The following POLQ variants were observed in gnomAD, a reference collection of about 807,000 sequenced individuals.
POLQ encodes the protein DNA polymerase theta, also known as epididymis secretory sperm binding protein.
POLQ carries 233 observed loss-of-function variants against 259.2 expected under a neutral mutation model. The ratio of observed to expected loss-of-function variants is 0.90; its 90% confidence interval spans 0.81 to 1.00. POLQ has a LOEUF of 1.00. POLQ is among the 50% of genes least tolerant of loss of function. The pLI is 0.00. For synonymous variants in POLQ, 1,025 were observed against 1,048.8 expected, an observed-to-expected ratio of 0.98 and a Z score of 0.44; for missense variants, 2,871 against 3,051.6, an observed-to-expected ratio of 0.94 and a Z score of 1.39.
At position 121,481,676 on chromosome 3, in the gene POLQ, G is replaced by A. The variant is rs1319499530; in HGVS notation, c.6107C>T (p.Ala2036Val). ...GTATCGCCCAGAATGCTCACTGCCA[G>A]CATTTAGCCCCAGGCTTTGAATCCC... Reference protein sequence around the residue: ...SQGIQSLGLNAGSEHSGRYRA... With the variant: ...SQGIQSLGLNVGSEHSGRYRA... The change falls in exon 19 of 30, where the codon GCT becomes GTT. Residue 2036 changes from alanine to valine, a missense_variant. By Grantham distance (64) the Ala-to-Val change is moderately conservative. This residue lies in a region of POLQ where 2,080 missense variants were observed against 2,126.0 expected (regional missense o/e 0.98). Transcript: ENST00000264233. The A allele has an allele frequency of 6.2e-7, 1 of 1,614,134 alleles. No individual in the cohort carries two copies. The highest frequency in any genetic ancestry group is 2.2e-5 in the East Asian group (1 of 44,876).
intron 26 of POLQ, among the ~76,000 whole-genome samples, chr3:121,447,171 CTTT>C (rs71133535): frequency 7.8e-6 from 1 of 127,464 alleles, no homozygotes; most frequent in African/African-American, 2.9e-5. Context: ...TCTTATAACC[CTTT>C]TTTTTTTTTT....
chr3:121,541,939 A>G (rs2048492891), intron 2 of POLQ, among the ~76,000 whole-genome samples: 1 of 152,064 alleles, frequency 6.6e-6, no homozygotes, highest in African/African-American at 2.4e-5. Context: ...ATCCTGGACA[A>G]CATGGTAAAA....
At chr3:121,457,740 T>C (rs2047754691) in intron 25 of POLQ, among the ~76,000 whole-genome samples, 2 of 152,134 alleles carry the variant, frequency 1.3e-5, no homozygotes, top group African/African-American at 2.4e-5. Flanking sequence ...AAACAACAGG[T>C]GCTGGAGAGG....
chr3:121,434,331 T>C (rs1435615630), intron 28 of POLQ, among the ~76,000 whole-genome samples: 1 of 152,250 alleles, frequency 6.6e-6, no homozygotes, highest in African/African-American at 2.4e-5. Flanking sequence ...AAGTCATTAC[T>C]GTCTGTATCC....
intron 26 of POLQ, among the ~76,000 whole-genome samples, chr3:121,441,421 T>A (rs2047591529): frequency 6.6e-6 from 1 of 152,200 alleles, no homozygotes; most frequent in African/African-American, 2.4e-5. Flanking sequence ...AGACACTCAC[T>A]CATCTGCTTT....
intron 25 of POLQ, among the ~76,000 whole-genome samples, chr3:121,459,380 TTTTTTTTTTTTTG>T (rs2047771165): frequency 6.9e-6 from 1 of 145,488 alleles, no homozygotes; most frequent in African/African-American, 2.5e-5. Flanking sequence ...TTTTTTTTTT[TTTTTTTTTTTTTG>T]TTTTTCGAGA....
At chr3:121,519,188 C>T (rs998869549) in intron 9 of POLQ, among the ~76,000 whole-genome samples, 2 of 151,966 alleles carry the variant, frequency 1.3e-5, no homozygotes, top group Non-Finnish European at 2.9e-5. Context: ...GTTGAATTAA[C>T]ATCTGTGAAA....
Position 121,478,336 on chromosome 3 carries a change from T to C in POLQ, c.6212-1603A>G, listed in dbSNP as rs148936285. On this transcript the variant is annotated intron_variant, in intron 19 of 29. Transcript: ENST00000264233. ...ATCCTGTATGAACTCACAAAAAATA[T>C]GAAAAATACAAGACAGCAAAGAAAT... 2.8e-4 allele frequency among the ~76,000 whole-genome samples: 43 copies of C among 151,770 alleles called. No individual in the cohort carries two copies. The East Asian group carries it at 7.2e-3, about 25-fold the overall frequency.
intron 21 of POLQ, 31 bp downstream of exon 21, chr3:121,473,319 T>TG (rs1560092884): frequency 1.3e-6 from 2 of 1,579,172 alleles, no homozygotes; most frequent in East Asian, 4.5e-5. Flanking sequence ...GTTTAGGTTC[T>TG]GCCCTGCTCT....
At position 121,490,154 on chromosome 3, in the gene POLQ, T is replaced by G; in HGVS notation, c.2777A>C (p.Gln926Pro). 1.2e-6 allele frequency: 2 copies of G among 1,610,846 alleles called. No homozygotes were observed. Reference sequence around the variant, plus strand: ...TAATTTTTTATAAGAACTCTTAGTTTGGGATATAAATGTGTGTTCCTTTAC... The same window carrying G: ...TAATTTTTTATAAGAACTCTTAGTTGGGGATATAAATGTGTGTTCCTTTAC... ...SEVKEHTFIS[Q>P]TKSSYKKLTS... The change falls in exon 16 of 30, where the codon CAA becomes CCA. Residue 926 changes from glutamine to proline, a missense_variant. Transcript: ENST00000264233.
At chr3:121,525,336 G>A (rs532095942) in intron 7 of POLQ, among the ~76,000 whole-genome samples, 6 of 126,862 alleles carry the variant, frequency 4.7e-5, no homozygotes, top group East Asian at 2.7e-4. Context: ...CGGAGACTCC[G>A]TCTCAAAAAA....
intron 25 of POLQ, among the ~76,000 whole-genome samples, chr3:121,450,801 T>A (rs542372175): frequency 6.6e-6 from 1 of 152,082 alleles, no homozygotes; most frequent in East Asian, 1.9e-4. Flanking sequence ...ATCTTTGTGG[T>A]GTTCTCTGGA....
intron 7 of POLQ, among the ~76,000 whole-genome samples, chr3:121,525,214 A>T (rs930217052): frequency 6.6e-6 from 1 of 151,904 alleles, no homozygotes; most frequent in Non-Finnish European, 1.5e-5. Context: ...GGTGGTGGGC[A>T]CCTGTAGTCC....
In POLQ at chr3:121,449,418, A is replaced by G. The variant is rs751738691; in HGVS notation, c.7161T>C (p.Tyr2387=). 2 of 1,559,916 alleles carry G rather than the reference A, an allele frequency of 1.3e-6. No individual in the cohort carries two copies. The highest frequency in any genetic ancestry group is 1.8e-6 in the Non-Finnish European group (2 of 1,130,884). The part of the protein sequence containing the change: ...DLRQQAKQIC[Y]GIIYGMGAKS... ...TAGCTCCCATTCCATAAATGATCCCATAGCAAATCTGAAAGGGAGTCATCC... is the reference window on the plus strand; with the variant it reads ...TAGCTCCCATTCCATAAATGATCCCGTAGCAAATCTGAAAGGGAGTCATCC... The change falls in exon 26 of 30, where the codon TAT becomes TAC. Residue 2387 remains tyrosine, a synonymous_variant. Coordinates refer to ENST00000264233, the MANE Select transcript of POLQ (RefSeq NM_199420.4).
At chr3:121,493,990 C>T (rs997353360) in intron 14 of POLQ, 35 of 600,816 alleles carry the variant, frequency 5.8e-5, no homozygotes, top group Middle Eastern at 4.4e-4. Context: ...TGAGGCAGAG[C>T]ACATAAACAC....
intron 3 of POLQ, among the ~76,000 whole-genome samples, chr3:121,541,026 G>A (rs2108822018): frequency 6.6e-6 from 1 of 152,002 alleles, no homozygotes; most frequent in South Asian, 2.1e-4. Flanking sequence ...AATTACAGGT[G>A]TGCGCCACAA....
At chr3:121,485,699 A>C (rs1241871491) in intron 16 of POLQ, among the ~76,000 whole-genome samples, 1 of 152,220 alleles carries the variant, frequency 6.6e-6, no homozygotes, top group South Asian at 2.1e-4. Flanking sequence ...ACTGGCACAT[A>C]GGAACTTAGT....
At chr3:121,486,613 C>A (rs2048013895) in intron 16 of POLQ, among the ~76,000 whole-genome samples, 1 of 152,078 alleles carries the variant, frequency 6.6e-6, no homozygotes, top group South Asian at 2.1e-4. Flanking sequence ...CCGGTAATCC[C>A]AGCACTTTGA....
At chr3:121,502,241 C>A (rs2048176528) in intron 12 of POLQ, among the ~76,000 whole-genome samples, 3 of 152,104 alleles carry the variant, frequency 2.0e-5, no homozygotes, top group Admixed American at 1.3e-4. Context: ...GAGACAGGGT[C>A]TCACTCAGTT....
Sources: gnomAD v4.1 joint callset for allele counts (sites outside exome capture counted in the v4.1 genomes callset) on GRCh38, gnomAD v4.1.1 for gene constraint, gnomAD v4.1.1 regional missense constraint, MANE v1.5 for transcripts, NCBI Gene and HGNC (gene_info 2026-07-23, HGNC 2026-07-21) for gene names.